The following MAN1A1 variants were observed in gnomAD, a reference collection of about 807,000 sequenced individuals.
The protein encoded by MAN1A1 is mannosyl-oligosaccharide 1,2-alpha-mannosidase IA.
MAN1A1 carries 29 observed loss-of-function variants against 70.8 expected under a neutral mutation model. The observed-to-expected ratio is 0.41, with a 90% confidence interval of 0.31 to 0.56. MAN1A1 has a LOEUF of 0.56. Ranked by LOEUF, MAN1A1 falls within the 20% of genes least tolerant of loss-of-function variation. The pLI is 0.29. For synonymous variants in MAN1A1, 349 were observed against 330.1 expected, an observed-to-expected ratio of 1.06 and a Z score of -0.62; for missense variants, 747 against 841.3, an observed-to-expected ratio of 0.89 and a Z score of 1.39.
chr6:119,332,542 C>A (rs537480957), intron 2 of MAN1A1, among the ~76,000 whole-genome samples: 1 of 152,314 alleles, frequency 6.6e-6, no homozygotes. Context: ...ACTGGCCGGG[C>A]ACGGTGGCTC....
At chr6:119,300,806 A>T (rs562695400) in intron 4 of MAN1A1, among the ~76,000 whole-genome samples, 7 of 152,312 alleles carry the variant, frequency 4.6e-5, no homozygotes, top group Admixed American at 1.3e-4. Context: ...TTCTAGATTC[A>T]ATTATTAGGC....
Position 119,302,092 on chromosome 6 carries a change from CT to C in MAN1A1, c.711del (p.Gly238GlufsTer4). The C allele has an allele frequency of 6.5e-7, 1 of 1,548,574 alleles. No homozygotes were observed. Among genetic ancestry groups the C allele is most frequent in the Non-Finnish European group, 8.9e-7 (1 of 1,123,296 alleles). The part of the protein sequence containing the change: ...GHSSSLFGNI[K>X]GATIVDALDT... ...TCCAGGGCATCTACTATAGTTGCTC[CT>C]TTGATGTTACCTGAAAAGATCAGAA... On this transcript the variant is annotated frameshift_variant, in exon 4 of 13. Transcript: ENST00000368468. LOFTEE classifies it high-confidence loss of function.
intron 5 of MAN1A1, among the ~76,000 whole-genome samples, chr6:119,262,303 T>A (rs192063196): frequency 3.2e-4 from 48 of 152,268 alleles, no homozygotes; most frequent in Admixed American, 2.9e-3. Flanking sequence ...TGAGGGCAAA[T>A]GGCTGATAAC....
intron 4 of MAN1A1, among the ~76,000 whole-genome samples, chr6:119,291,343 C>A (rs1170426105): frequency 6.6e-6 from 1 of 151,984 alleles, no homozygotes; most frequent in Non-Finnish European, 1.5e-5. Context: ...ACCTCTTTTT[C>A]TTCCCAGTCT....
intron 6 of MAN1A1, among the ~76,000 whole-genome samples, chr6:119,206,959 C>T (rs1187569034): frequency 6.6e-6 from 1 of 152,190 alleles, no homozygotes; most frequent in Non-Finnish European, 1.5e-5. Flanking sequence ...TCCAGATCTT[C>T]AGGGACTGGT....
At chr6:119,330,247 T>C (rs1185637944) in intron 2 of MAN1A1, among the ~76,000 whole-genome samples, 2 of 152,106 alleles carry the variant, frequency 1.3e-5, no homozygotes, top group Admixed American at 6.5e-5. Flanking sequence ...AGACCTCCAA[T>C]TGGACATCTT....
At chr6:119,272,143 T>TTAATCA (rs1775942264) in intron 5 of MAN1A1, among the ~76,000 whole-genome samples, 1 of 152,180 alleles carries the variant, frequency 6.6e-6, no homozygotes, top group South Asian at 2.1e-4. Flanking sequence ...TATATTTGCT[T>TTAATCA]TGGATAATTA....
intron 8 of MAN1A1, among the ~76,000 whole-genome samples, chr6:119,199,838 G>C (rs1309602849): frequency 6.6e-6 from 1 of 151,990 alleles, no homozygotes; most frequent in Non-Finnish European, 1.5e-5. Context: ...GATAGCTTGA[G>C]CCCAGCTTGA....
intron 5 of MAN1A1, among the ~76,000 whole-genome samples, chr6:119,261,187 G>A (rs1311860245): frequency 1.3e-5 from 2 of 151,786 alleles, no homozygotes; most frequent in Admixed American, 1.3e-4. Flanking sequence ...CACCGTGTTG[G>A]CCAGGATGGT....
In MAN1A1 at chr6:119,327,795, G is replaced by C. The variant is rs150812071; in HGVS notation, c.603+20668C>G. ...ACAATGGTTACATATTTTGAAATGT[G>C]TACACCATAAATATATACAATTTTT... On this transcript the variant is annotated intron_variant, in intron 2 of 12. Transcript: ENST00000368468. Among the ~76,000 whole-genome samples the C allele has an allele frequency of 8.2e-3, 1,243 of 152,216 alleles. 16 individuals are homozygous for C. The highest frequency in any genetic ancestry group is 0.032 in the South Asian group (152 of 4,824).
At chr6:119,270,066 T>C (rs1242805374) in intron 5 of MAN1A1, among the ~76,000 whole-genome samples, 2 of 152,250 alleles carry the variant, frequency 1.3e-5, no homozygotes, top group Non-Finnish European at 2.9e-5. Flanking sequence ...CCTCTTCCAG[T>C]TGGCTCCTGA....
chr6:119,311,441 A>C (rs1772698293), intron 2 of MAN1A1, among the ~76,000 whole-genome samples: 1 of 152,182 alleles, frequency 6.6e-6, no homozygotes, highest in Admixed American at 6.6e-5. Context: ...TCCAGGTGTA[A>C]GGCAATGTGG....
intron 2 of MAN1A1, among the ~76,000 whole-genome samples, chr6:119,339,301 TAA>T (rs1773542457): frequency 6.6e-6 from 1 of 152,154 alleles, no homozygotes; most frequent in East Asian, 1.9e-4. Flanking sequence ...GTGTGTGCAA[TAA>T]AAAGTGAGAC....
At chr6:119,320,282 C>A (rs768643985) in intron 2 of MAN1A1, among the ~76,000 whole-genome samples, 1 of 152,118 alleles carries the variant, frequency 6.6e-6, no homozygotes, top group Non-Finnish European at 1.5e-5. Flanking sequence ...AGTATCTTCT[C>A]TTAAGGATGG....
At chr6:119,301,897 T>A in intron 4 of MAN1A1, 91 bp downstream of exon 4, 1 of 668,072 alleles carries the variant, frequency 1.5e-6, no homozygotes, top group South Asian at 1.9e-5. Context: ...TTTGTTAGGG[T>A]ACATTATAAT....
chr6:119,236,905 A>AC (rs1401799053), intron 6 of MAN1A1, among the ~76,000 whole-genome samples: 7 of 151,816 alleles, frequency 4.6e-5, no homozygotes, highest in Admixed American at 4.6e-4. Context: ...AGTAAAAAAA[A>AC]AATCAACATT....
At chr6:119,252,160 AAATG>A (rs1247065708) in intron 5 of MAN1A1, among the ~76,000 whole-genome samples, 1 of 152,266 alleles carries the variant, frequency 6.6e-6, no homozygotes, top group Admixed American at 6.5e-5. Flanking sequence ...TTTAATAAAT[AAATG>A]AATCAATTTA....
At chr6:119,192,405 G>T (rs777527415) in intron 9 of MAN1A1, among the ~76,000 whole-genome samples, 1 of 152,124 alleles carries the variant, frequency 6.6e-6, no homozygotes, top group African/African-American at 2.4e-5. Flanking sequence ...GTAGGCCAAC[G>T]TTCTCACTAA....
chr6:119,205,741 A>C (rs925188483), intron 6 of MAN1A1, among the ~76,000 whole-genome samples: 53 of 152,262 alleles, frequency 3.5e-4, no homozygotes, highest in Non-Finnish European at 4.1e-4. Context: ...AAAAGAATAA[A>C]GTTCGTTATT....
Sources: allele counts gnomAD v4.1 joint callset (sites outside exome capture counted in the v4.1 genomes callset), GRCh38; gene constraint gnomAD v4.1.1; transcripts MANE v1.5; gene names NCBI Gene and HGNC (gene_info 2026-07-23, HGNC 2026-07-21).